Variants in SRD5A3 observed in about 807,000 individuals in gnomAD.
SRD5A3 encodes steroid 5 alpha-reductase 3, also known as polyprenal reductase.
SRD5A3 carries 24 observed loss-of-function variants against 34.3 expected under a neutral mutation model. The observed-to-expected ratio is 0.70, with a 90% CI of 0.51 to 0.99. SRD5A3 has a LOEUF of 0.99. Among genes scored for constraint, SRD5A3 ranks in the 50% least tolerant of loss-of-function variants. The pLI, the probability that SRD5A3 is intolerant of heterozygous loss-of-function variation, is 0.00. For missense variants in SRD5A3, 350 were observed against 388.2 expected (o/e 0.90, Z 0.83); for synonymous variants, 161 against 167.3 (o/e 0.96, Z 0.29).
At position 55,351,668 on chromosome 4, in the gene SRD5A3, A is replaced by G. The variant is rs552773528; in HGVS notation, c.221+5111A>G. The stretch of plus-strand genomic sequence containing the variant: ...GCGAAACTTCATCTCAAAAAAAAAA[A>G]GGGGTGAGCATATTTAACCATCCTC... On this transcript the variant is annotated intron_variant, in intron 1 of 4. Coordinates refer to ENST00000264228, the MANE Select transcript of SRD5A3 (RefSeq NM_024592.5). 5.0e-4 allele frequency: 134 copies of G among 266,986 alleles called. 1 individual carries two copies. Among genetic ancestry groups the G allele is most frequent in the African/African-American group, 1.3e-3 (58 of 44,418 alleles). 16.5% of individuals were successfully genotyped at this position (266,986 alleles called of 1,614,324 possible). A position where few individuals can be genotyped will look rare whatever the true frequency, so the allele number is the denominator to read the frequency against.
In SRD5A3 at chr4:55,372,688, G is replaced by C. The variant is rs922253706; in HGVS notation, c.*2597G>C. On this transcript the variant is annotated 3_prime_UTR_variant, in exon 5 of 5. Transcript: ENST00000264228. ...TAGCTTAAAGATTCATGGTTTTCCT[G>C]TTGGCTTAAATAGCCTTAATCTTTC... 3 of 152,146 alleles carry C rather than the reference G, an allele frequency of 2.0e-5. No homozygotes were observed. Among genetic ancestry groups the C allele is most frequent in the African/African-American group, 7.2e-5 (3 of 41,440 alleles). 9.4% of individuals were successfully genotyped at this position (152,146 alleles called of 1,614,324 possible).
intron 1 of SRD5A3, among the ~76,000 whole-genome samples, chr4:55,347,552 C>A (rs1026941914): frequency 2.6e-5 from 4 of 152,170 alleles, no homozygotes; most frequent in Non-Finnish European, 5.9e-5. Context: ...CATCTGAGAT[C>A]AGGCATTGGA....
chr4:55,352,343 C>G, intron 1 of SRD5A3: 1 of 792,754 alleles, frequency 1.3e-6, no homozygotes, highest in African/African-American at 1.7e-5. Context: ...CTGTAAGCCT[C>G]TGATCCCTGA....
chr4:55,362,358 C>A (rs905546673), intron 2 of SRD5A3, among the ~76,000 whole-genome samples: 1 of 151,968 alleles, frequency 6.6e-6, no homozygotes, highest in Non-Finnish European at 1.5e-5. Context: ...GAACTCCTGA[C>A]CTTGTGATCC....
intron 1 of SRD5A3, among the ~76,000 whole-genome samples, chr4:55,347,221 T>C (rs1273236916): frequency 6.6e-6 from 1 of 152,262 alleles, no homozygotes; most frequent in Non-Finnish European, 1.5e-5. Context: ...AGGTTTTAAA[T>C]AGAGACCTGT....
At chr4:55,369,792 A>G in intron 4 of SRD5A3, 40 bp from the exon 5 acceptor site, 1 of 1,611,690 alleles carries the variant, frequency 6.2e-7, no homozygotes, top group South Asian at 1.1e-5. Flanking sequence ...TTTCTTTTCA[A>G]ACCTTTAAAT....
At chr4:55,348,707 A>T (rs945948764) in intron 1 of SRD5A3, among the ~76,000 whole-genome samples, 1 of 152,124 alleles carries the variant, frequency 6.6e-6, no homozygotes, top group South Asian at 2.1e-4. Context: ...TGTGAGGGAG[A>T]TGTTATTGTC....
At position 55,359,355 on chromosome 4, in the gene SRD5A3, C is replaced by T. The variant is rs1301775693; in HGVS notation, c.231C>T (p.Ser77=). 1 of 1,614,000 alleles carries T rather than the reference C, an allele frequency of 6.2e-7. No individual in the cohort carries two copies. Among genetic ancestry groups the T allele is most frequent in the East Asian group, 2.2e-5 (1 of 44,888 alleles). Residue 77 remains serine (S), a synonymous_variant, in exon 2 of 5, where the codon TCC becomes TCT. Coordinates refer to ENST00000264228, the MANE Select transcript of SRD5A3 (RefSeq NM_024592.5). The stretch of plus-strand genomic sequence containing the variant: ...TGTTTTCCTTTTGCAGATATTTTTC[C>T]CACTTTTATATCATCTCAGTGCTGT... ...RAFDVPKRYF[S]HFYIISVLWN...
chr4:55,370,229 CTGAA>C lies in SRD5A3; in HGVS notation c.*142_*145del. The C allele has an allele frequency of 8.6e-7, 1 of 1,160,372 alleles. No homozygotes were observed. The highest frequency in any genetic ancestry group is 1.3e-6 in the Non-Finnish European group (1 of 791,902). The allele number at this position is 1,160,372 out of a possible 1,614,324, so 71.9% of individuals were successfully genotyped here. A position where few individuals can be genotyped will look rare whatever the true frequency, so the allele number is the denominator to read the frequency against. ...CATTTCTATACCCCACAAGTTTTCA[CTGAA>C]TGAGCATGGCAGTGCCACTCAAGAA... On this transcript the variant is annotated 3_prime_UTR_variant, in exon 5 of 5. Transcript: ENST00000264228.
At chr4:55,346,811 A>C (rs1719016204) in intron 1 of SRD5A3, among the ~76,000 whole-genome samples, 1 of 152,190 alleles carries the variant, frequency 6.6e-6, no homozygotes, top group Admixed American at 6.5e-5. Flanking sequence ...CAGCTGGAGG[A>C]ATGTGAACTG....
Position 55,359,472 on chromosome 4 carries a change from G to C in SRD5A3, c.348G>C (p.Gly116=). The C allele has an allele frequency of 6.2e-7, 1 of 1,613,918 alleles. No individual in the cohort carries two copies. The highest frequency in any genetic ancestry group is 8.5e-7 in the Non-Finnish European group (1 of 1,179,992). The change falls in exon 2 of 5, where the codon GGG becomes GGC. Residue 116 remains glycine (G), a synonymous_variant. Transcript: ENST00000264228. Reference sequence around the variant, plus strand: ...TTCATGGTTTGCTCAGAATTCTCGGGGCGGCACAGTTCCAGGGTAAGGACT... The same window carrying C: ...TTCATGGTTTGCTCAGAATTCTCGGCGCGGCACAGTTCCAGGGTAAGGACT... The part of the protein sequence containing the change: ...SWLHGLLRIL[G]AAQFQGGELA...
At position 55,348,529 on chromosome 4, in the gene SRD5A3, T is replaced by G. The variant is rs572446382; in HGVS notation, c.221+1972T>G. 1.4e-3 allele frequency among the ~76,000 whole-genome samples: 215 copies of G among 152,308 alleles called. 1 individual carries two copies. The highest frequency in any genetic ancestry group is 4.9e-3 in the African/African-American group (204 of 41,570). Reference sequence around the variant, plus strand: ...CAAAATGTCTTCATTCACAAGATGCTTATCACTTTTATCATTTAAAAAAAT... The same window carrying G: ...CAAAATGTCTTCATTCACAAGATGCGTATCACTTTTATCATTTAAAAAAAT... On this transcript the variant is annotated intron_variant, in intron 1 of 4. Transcript: ENST00000264228.
At chr4:55,354,829 T>C (rs1377057415) in intron 1 of SRD5A3, among the ~76,000 whole-genome samples, 3 of 152,128 alleles carry the variant, frequency 2.0e-5, no homozygotes, top group Non-Finnish European at 4.4e-5. Flanking sequence ...CGCGCGTGCG[T>C]GCGCGCGTAC....
At chr4:55,349,224 C>T (rs1275234755) in intron 1 of SRD5A3, among the ~76,000 whole-genome samples, 1 of 151,982 alleles carries the variant, frequency 6.6e-6, no homozygotes, top group African/African-American at 2.4e-5. Flanking sequence ...TTAGTGGAGA[C>T]GGGGTTTCAA....
intron 4 of SRD5A3, among the ~76,000 whole-genome samples, chr4:55,368,774 T>G (rs1297392581): frequency 6.6e-6 from 1 of 151,856 alleles, no homozygotes; most frequent in African/African-American, 2.4e-5. Context: ...AGTCTCACTC[T>G]GTCACCCAGG....
chr4:55,369,747 A>G (rs1720050474), intron 4 of SRD5A3, 85 bp from the exon 5 acceptor site: 1 of 1,525,116 alleles, frequency 6.6e-7, no homozygotes, highest in South Asian at 1.2e-5. Flanking sequence ...AAAAAAAAAA[A>G]TTCTGTAAAT....
Position 55,372,174 on chromosome 4 carries a change from A to G in SRD5A3, c.*2083A>G, listed in dbSNP as rs1366738354. 6.6e-6 allele frequency: 1 copy of G among 152,250 alleles called. No individual in the cohort carries two copies. The highest frequency in any genetic ancestry group is 1.5e-5 in the Non-Finnish European group (1 of 68,046). 9.4% of individuals were successfully genotyped at this position (152,250 alleles called of 1,614,324 possible). On this transcript the variant is annotated 3_prime_UTR_variant, in exon 5 of 5. Transcript: ENST00000264228. ...GTTTGGTCTTAATTTCCACATGAAT[A>G]TCAAGTGTAATTTTTAATAAATTAT...
Position 55,363,854 on chromosome 4 carries a change from G to A in SRD5A3, c.365-220G>A, listed in dbSNP as rs113709478. On this transcript the variant is annotated intron_variant, in intron 2 of 4. Transcript: ENST00000264228. The stretch of plus-strand genomic sequence containing the variant: ...GGCTGTCACACAATGAAGCAGAATT[G>A]AGTGATGGGTGTTTGTGAACCCAGT... 4,055 of 588,916 alleles carry A rather than the reference G, an allele frequency of 6.9e-3. 119 individuals are homozygous for A. The highest frequency in any genetic ancestry group is 0.067 in the African/African-American group (3,622 of 54,026). 36.5% of individuals were successfully genotyped at this position (588,916 alleles called of 1,614,324 possible).
At chr4:55,352,082 T>G (rs1277354028) in intron 1 of SRD5A3, 3 of 776,618 alleles carry the variant, frequency 3.9e-6, no homozygotes, top group Non-Finnish European at 4.8e-6. Flanking sequence ...TTTCTCAATT[T>G]CAGGCATTAC....
Sources: gnomAD v4.1 joint callset for allele counts (sites outside exome capture counted in the v4.1 genomes callset) on GRCh38, gnomAD v4.1.1 for gene constraint, MANE v1.5 for transcripts, NCBI Gene and HGNC (gene_info 2026-07-23, HGNC 2026-07-21) for gene names.